Variants in EHMT1 observed in about 807,000 individuals in gnomAD.
EHMT1 encodes the protein euchromatic histone lysine methyltransferase 1.
A neutral mutation model predicts 147.2 loss-of-function variants in EHMT1; 15 were observed. That is an observed-to-expected ratio of 0.10 (90% CI 0.07 to 0.16). EHMT1 has a LOEUF of 0.16. Ranked by LOEUF, EHMT1 falls within the 10% of genes least tolerant of loss-of-function variation. The pLI, the probability that EHMT1 is intolerant of heterozygous loss-of-function variation, is 1.00. For synonymous variants in EHMT1, 795 were observed against 709.6 expected (o/e 1.12, Z -1.91); for missense variants, 1,587 against 1,772.4 (o/e 0.90, Z 1.88).
At chr9:137,756,136 A>T (rs902656058) in intron 8 of EHMT1, among the ~76,000 whole-genome samples, 1 of 152,162 alleles carries the variant, frequency 6.6e-6, no homozygotes, top group African/African-American at 2.4e-5. Context: ...CAGGTCACAG[A>T]GGTTTTGTCC....
At chr9:137,720,959 T>C (rs1176333358) in intron 3 of EHMT1, among the ~76,000 whole-genome samples, 1 of 151,954 alleles carries the variant, frequency 6.6e-6, no homozygotes, top group Non-Finnish European at 1.5e-5. Context: ...GGCTGCAGCC[T>C]TTCACACGCC....
At chr9:137,800,191 G>T (rs1194441393) in intron 17 of EHMT1, among the ~76,000 whole-genome samples, 1 of 152,184 alleles carries the variant, frequency 6.6e-6, no homozygotes, top group Non-Finnish European at 1.5e-5. Context: ...AGTAGGAATT[G>T]GCCATATGAC....
intron 15 of EHMT1, chr9:137,788,067 TC>T: frequency 2.2e-6 from 3 of 1,356,728 alleles, no homozygotes; most frequent in Non-Finnish European, 3.0e-6. Context: ...TGGCAAAGTC[TC>T]CCCCTCCACT....
intron 16 of EHMT1, among the ~76,000 whole-genome samples, chr9:137,793,121 A>G (rs1054762798): frequency 3.3e-5 from 5 of 152,264 alleles, no homozygotes; most frequent in African/African-American, 1.2e-4. Context: ...ACTTTTGTAC[A>G]TCAAAGATCA....
intron 16 of EHMT1, among the ~76,000 whole-genome samples, chr9:137,792,984 C>T (rs938165671): frequency 6.6e-6 from 1 of 152,214 alleles, no homozygotes. Context: ...CCGTAGATGA[C>T]CCGCTTCTGG....
At chr9:137,638,040 G>C (rs1176057404) in intron 1 of EHMT1, 1 of 151,518 alleles carries the variant, frequency 6.6e-6, no homozygotes, top group Non-Finnish European at 1.5e-5. Context: ...TTGGTAAGTG[G>C]GGTCATTTTT....
chr9:137,789,383 G>A (rs1357107620), intron 15 of EHMT1: 1 of 152,540 alleles, frequency 6.6e-6, no homozygotes, highest in African/African-American at 2.4e-5. Context: ...TTGGGGTCTG[G>A]GGGAGCAGCC....
chr9:137,669,301 C>A (rs944595625), intron 1 of EHMT1, among the ~76,000 whole-genome samples: 2 of 147,694 alleles, frequency 1.4e-5, no homozygotes, highest in African/African-American at 5.0e-5. Flanking sequence ...AAAGAGCAGA[C>A]TGAGGACCCC....
intron 1 of EHMT1, chr9:137,664,779 G>A (rs1204189161): frequency 3.3e-5 from 5 of 152,184 alleles, no homozygotes; most frequent in African/African-American, 7.2e-5. Context: ...TTGCAGATAG[G>A]TTTGTAAATG....
chr9:137,834,020 G>T (rs955516497), intron 25 of EHMT1: 21 of 405,010 alleles, frequency 5.2e-5, no homozygotes, highest in Admixed American at 1.5e-4. Flanking sequence ...ACAGCCCCAT[G>T]GGTCCTCGGG....
At chr9:137,619,551 G>A (rs1842825123) in intron 1 of EHMT1, among the ~76,000 whole-genome samples, 1 of 152,074 alleles carries the variant, frequency 6.6e-6, no homozygotes, top group African/African-American at 2.4e-5. Flanking sequence ...GAGTAGGATG[G>A]CACCATCTTT....
intron 8 of EHMT1, among the ~76,000 whole-genome samples, chr9:137,756,057 A>G (rs1254749027): frequency 6.6e-6 from 1 of 152,216 alleles, no homozygotes; most frequent in Non-Finnish European, 1.5e-5. Flanking sequence ...GTTTTCTTGA[A>G]GTCCAAGTTA....
intron 7 of EHMT1, among the ~76,000 whole-genome samples, chr9:137,753,010 C>T (rs1251758896): frequency 5.3e-5 from 8 of 152,094 alleles, no homozygotes. Flanking sequence ...CGGAATTGTG[C>T]ACCCTGGTCT....
At chr9:137,700,153 ATTTAT>A (rs2135141085) in intron 1 of EHMT1, among the ~76,000 whole-genome samples, 1 of 152,318 alleles carries the variant, frequency 6.6e-6, no homozygotes, top group East Asian at 1.9e-4. Flanking sequence ...TATAAAATAC[ATTTAT>A]TTTATGGACT....
chr9:137,630,232 G>A (rs1233341028), intron 1 of EHMT1, among the ~76,000 whole-genome samples: 1 of 152,196 alleles, frequency 6.6e-6, no homozygotes, highest in Non-Finnish European at 1.5e-5. Context: ...TTTGTAAGAG[G>A]ACATACAAAG....
chr9:137,780,611 T>C (rs1424183100), intron 14 of EHMT1, among the ~76,000 whole-genome samples: 5 of 117,036 alleles, frequency 4.3e-5, no homozygotes, highest in East Asian at 2.9e-4. Flanking sequence ...GACGCTGGGA[T>C]GTGTGGTGAT....
At chr9:137,799,299 G>C (rs1200402761) in intron 17 of EHMT1, among the ~76,000 whole-genome samples, 1 of 152,160 alleles carries the variant, frequency 6.6e-6, no homozygotes, top group Non-Finnish European at 1.5e-5. Context: ...GTGTCTGGCT[G>C]GAGGCTCCTC....
intron 18 of EHMT1, among the ~76,000 whole-genome samples, chr9:137,805,015 G>A (rs1953813812): frequency 6.6e-6 from 1 of 151,686 alleles, no homozygotes; most frequent in Admixed American, 6.6e-5. Context: ...TTGTCCATGT[G>A]TGAGTCAGTC....
At chr9:137,788,188 G>T in intron 15 of EHMT1, 1 of 673,230 alleles carries the variant, frequency 1.5e-6, no homozygotes, top group South Asian at 2.6e-5. Context: ...GCCTGCAGAA[G>T]CTGGGCTGCT....
Sources: gnomAD v4.1 joint callset for allele counts (sites outside exome capture counted in the v4.1 genomes callset) on GRCh38, gnomAD v4.1.1 for gene constraint, MANE v1.5 for transcripts, NCBI Gene and HGNC (gene_info 2026-07-23, HGNC 2026-07-21) for gene names.